CENPO: variants seen among roughly 807,000 people sequenced by gnomAD.
CENPO encodes centromeric protein O.
A neutral mutation model predicts 36.1 loss-of-function variants in CENPO; 30 were observed. That is an observed-to-expected ratio of 0.83 (90% CI 0.62 to 1.13). The LOEUF (loss-of-function observed/expected upper bound fraction) is 1.13. Among genes scored for constraint, CENPO ranks in the 50% most tolerant of loss-of-function variants. The pLI, the probability that CENPO is intolerant of heterozygous loss-of-function variation, is 0.00. For missense variants in CENPO, 349 were observed against 357.8 expected (o/e 0.98, Z 0.20); for synonymous variants, 171 against 142.3 (o/e 1.20, Z -1.44).
At position 24,793,440 on chromosome 2, in the gene CENPO, G is replaced by T. The variant is rs777537972; in HGVS notation, c.-130G>T. On this transcript the variant is annotated 5_prime_UTR_variant, in exon 1 of 8. Coordinates refer to ENST00000380834, the MANE Select transcript of CENPO (RefSeq NM_001322101.2). Reference sequence around the variant, plus strand: ...TTTGTACGGCAGGATCGCAAAGCACGCCGGGACCGGTTGGTTTGGTTTTGA... The same window carrying T: ...TTTGTACGGCAGGATCGCAAAGCACTCCGGGACCGGTTGGTTTGGTTTTGA... The T allele has an allele frequency of 1.2e-6, 2 of 1,606,086 alleles. No homozygotes were observed. The highest frequency in any genetic ancestry group is 1.7e-6 in the Non-Finnish European group (2 of 1,175,916).
At position 24,816,755 on chromosome 2, in the gene CENPO, C is replaced by G; in HGVS notation, c.704C>G (p.Ala235Gly). 6.2e-7 allele frequency: 1 copy of G among 1,612,268 alleles called. No individual in the cohort carries two copies. Among genetic ancestry groups the G allele is most frequent in the South Asian group, 1.1e-5 (1 of 90,472 alleles). ...GGGGGTCAGTCCTTCCCGTTCTGTGCTAGATTGCTGTATAAGGACCTCACA... is the reference window on the plus strand; with the variant it reads ...GGGGGTCAGTCCTTCCCGTTCTGTGGTAGATTGCTGTATAAGGACCTCACA... ...DPGGQSFPFC[A>G]RLLYKDLTAT... Residue 235 changes from alanine to glycine, a missense_variant, in exon 6 of 8, where the codon GCT becomes GGT. Transcript: ENST00000380834.
intron 3 of CENPO, among the ~76,000 whole-genome samples, chr2:24,806,765 C>G (rs570402792): frequency 6.6e-6 from 1 of 152,288 alleles, no homozygotes; most frequent in African/African-American, 2.4e-5. Context: ...ATACTTGTGT[C>G]ATTTTTGACA....
In CENPO at chr2:24,820,034, C is replaced by T; in HGVS notation, c.*716C>T. The T allele has an allele frequency of 1.2e-6, 2 of 1,609,090 alleles. No homozygotes were observed. Among genetic ancestry groups the T allele is most frequent in the Non-Finnish European group, 1.7e-6 (2 of 1,177,846 alleles). ...TCAAGAAGAAGGTCAGCAGCTCCCC[C>T]TTCCCCTTCACAAAGATGGGGCCTC... is the stretch of plus-strand genomic sequence containing the variant. On this transcript the variant is annotated 3_prime_UTR_variant, in exon 8 of 8. Transcript: ENST00000380834.
rs1666845819 is a variant in CENPO at position 24,814,436 on chromosome 2, G to A, written c.277G>A (p.Ala93Thr). 6.2e-7 allele frequency: 1 copy of A among 1,608,520 alleles called. No homozygotes were observed. Among genetic ancestry groups the A allele is most frequent in the African/African-American group, 1.3e-5 (1 of 74,912 alleles). ...NQTVEINEQE[A>T]LEEKLENVKA... ...AACAGTGGAGATCAATGAGCAAGAA[G>A]CATTGGAAGAGAAATTGGAAAATGT... The change falls in exon 4 of 8, where the codon GCA becomes ACA. Residue 93 changes from alanine (A) to threonine (T), a missense_variant. Coordinates refer to ENST00000380834, the MANE Select transcript of CENPO (RefSeq NM_001322101.2).
In CENPO at chr2:24,817,466, C is replaced by CAAAAAAAAAAAAAAAAAAAAAAAAAAAA. The variant is rs57556645; in HGVS notation, c.767-194_767-193insAAAAAAAAAAAAAAAAAAAAAAAAAAAA. 3.9e-4 allele frequency among the ~76,000 whole-genome samples: 43 copies of CAAAAAAAAAAAAAAAAAAAAAAAAAAAA among 110,040 alleles called. 2 individuals are homozygous for CAAAAAAAAAAAAAAAAAAAAAAAAAAAA. The highest frequency in any genetic ancestry group is 1.3e-3 in the African/African-American group (31 of 23,108). 72.2% of individuals were successfully genotyped at this position (110,040 alleles called of 152,430 possible). On this transcript the variant is annotated intron_variant, in intron 6 of 7. Coordinates refer to ENST00000380834, the MANE Select transcript of CENPO (RefSeq NM_001322101.2). ...AGTAAGGGGCAGCCTTAGTCCAGAC[C>CAAAAAAAAAAAAAAAAAAAAAAAAAAAA]AAAAAAAAAAGCTGTATGGGTCCAG...
chr2:24,821,626 C>T lies in CENPO; in HGVS notation c.*2308C>T, dbSNP rs1394225691. On this transcript the variant is annotated 3_prime_UTR_variant, in exon 8 of 8. Transcript: ENST00000380834. ...CAGCCAGGTGCTGCCAGCGCTCTCT[C>T]TCGGACTTGTCTTCCTGTGCCAGGG... The T allele has an allele frequency of 1.9e-6, 3 of 1,613,984 alleles. No individual in the cohort carries two copies. The highest frequency in any genetic ancestry group is 2.5e-6 in the Non-Finnish European group (3 of 1,180,016).
intron 2 of CENPO, among the ~76,000 whole-genome samples, chr2:24,795,975 G>A (rs1242357492): frequency 4.6e-5 from 7 of 152,132 alleles, no homozygotes; most frequent in Non-Finnish European, 1.0e-4. Context: ...TTATTATTGC[G>A]GTAATGTGGG....
In CENPO at chr2:24,816,646, A is replaced by G. The variant is rs1666949439; in HGVS notation, c.595A>G (p.Ser199Gly). 6.2e-7 allele frequency: 1 copy of G among 1,603,602 alleles called. No homozygotes were observed. The highest frequency in any genetic ancestry group is 1.3e-5 in the African/African-American group (1 of 74,566). Residue 199 changes from serine (S) to glycine (G), a missense_variant and splice_region_variant, in exon 6 of 8, where the codon AGT becomes GGT. Physicochemically the swap from Ser to Gly is moderately conservative, Grantham distance 56. Coordinates refer to ENST00000380834, the MANE Select transcript of CENPO (RefSeq NM_001322101.2). The stretch of plus-strand genomic sequence containing the variant: ...TCGTTTTGTTCCTCACCCCTCTTAG[A>G]GTGACTTTGCAGCCCTCCTGACTGG... ...GRKYQADRLQ[S>G]DFAALLTGPL...
chr2:24,813,351 C>T (rs1256574377), intron 3 of CENPO, among the ~76,000 whole-genome samples: 1 of 152,142 alleles, frequency 6.6e-6, no homozygotes, highest in East Asian at 1.9e-4. Flanking sequence ...GGGCACATCA[C>T]CTTTATTCAG....
chr2:24,821,204 A>T lies in CENPO; in HGVS notation c.*1886A>T. The T allele has an allele frequency of 2.3e-6, 1 of 436,704 alleles. No homozygotes were observed. The highest frequency in any genetic ancestry group is 4.1e-6 in the Non-Finnish European group (1 of 243,332). The allele number at this position is 436,704 out of a possible 1,614,324, so 27.1% of individuals were successfully genotyped here. On this transcript the variant is annotated 3_prime_UTR_variant, in exon 8 of 8. Transcript: ENST00000380834. Reference sequence around the variant, plus strand: ...TTTCAAAGAGCAGGCCTGTCTGGGAAGCCATGTCCTCAGCAGGCACAGCAA... The same window carrying T: ...TTTCAAAGAGCAGGCCTGTCTGGGATGCCATGTCCTCAGCAGGCACAGCAA...
rs1297405945 is a variant in CENPO at position 24,793,502 on chromosome 2, G to T, written c.-69+1G>T. On this transcript the variant is annotated splice_donor_variant, in intron 1 of 7. Coordinates refer to ENST00000380834, the MANE Select transcript of CENPO (RefSeq NM_001322101.2). LOFTEE classifies it low-confidence loss of function (5UTR_SPLICE). ...GCGGGAATTCTCGCTTCTGGCCTGGGTGAGCTAGAAGGGAGAAGGTAGGGG... is the reference window on the plus strand; with the variant it reads ...GCGGGAATTCTCGCTTCTGGCCTGGTTGAGCTAGAAGGGAGAAGGTAGGGG... 4 of 1,597,062 alleles carry T rather than the reference G, an allele frequency of 2.5e-6. No homozygotes were observed. The African/African-American group carries it at 5.4e-5, about 21-fold the overall frequency.
chr2:24,810,334 G>A (rs778250799), intron 3 of CENPO, among the ~76,000 whole-genome samples: 9 of 151,936 alleles, frequency 5.9e-5, no homozygotes, highest in South Asian at 4.2e-4. Flanking sequence ...AATCCCAGCC[G>A]TTTGTGAGAC....
rs1206661148 is a variant in CENPO, at chr2:24,822,167, GGCTGCCGTCA to G, written c.*2852_*2861del. On this transcript the variant is annotated 3_prime_UTR_variant, in exon 8 of 8. Transcript: ENST00000380834. ...TCTAAATTAGCTTAACAAAAGAACA[GGCTGCCGTCA>G]GCCAGAGTTCTGAAGGCCATGCTTT... The G allele has an allele frequency of 4.6e-6, 1 of 216,212 alleles. No homozygotes were observed. Among genetic ancestry groups the G allele is most frequent in the Non-Finnish European group, 9.2e-6 (1 of 108,272 alleles). The allele number at this position is 216,212 out of a possible 1,614,324, so 13.4% of individuals were successfully genotyped here.
intron 5 of CENPO, chr2:24,816,065 C>T: frequency 2.7e-6 from 1 of 375,206 alleles, no homozygotes; most frequent in Non-Finnish European, 5.0e-6. Context: ...TTATGGCGTG[C>T]CTACTATGTA....
Position 24,821,373 on chromosome 2 carries a change from C to T in CENPO, c.*2055C>T. The T allele has an allele frequency of 8.1e-7, 1 of 1,231,366 alleles. No individual in the cohort carries two copies. Among genetic ancestry groups the T allele is most frequent in the Non-Finnish European group, 1.1e-6 (1 of 888,976 alleles). 76.3% of individuals were successfully genotyped at this position (1,231,366 alleles called of 1,614,324 possible). ...AGAGTCGTCTGGACTAAAGGTCTTTCAGGTCTCCTTGCCCTGTGAGTGCGT... is the reference window on the plus strand; with the variant it reads ...AGAGTCGTCTGGACTAAAGGTCTTTTAGGTCTCCTTGCCCTGTGAGTGCGT... On this transcript the variant is annotated 3_prime_UTR_variant, in exon 8 of 8. Transcript: ENST00000380834.
At position 24,793,449 on chromosome 2, in the gene CENPO, G is replaced by C; in HGVS notation, c.-121G>C. ...CAGGATCGCAAAGCACGCCGGGACC[G>C]GTTGGTTTGGTTTTGAAGACGTGGA... On this transcript the variant is annotated 5_prime_UTR_variant, in exon 1 of 8. Coordinates refer to ENST00000380834, the MANE Select transcript of CENPO (RefSeq NM_001322101.2). 6.2e-7 allele frequency: 1 copy of C among 1,605,354 alleles called. No homozygotes were observed. The highest frequency in any genetic ancestry group is 8.5e-7 in the Non-Finnish European group (1 of 1,175,584).
At chr2:24,814,620 T>TCACA (rs10618594) in intron 4 of CENPO, 127 bp downstream of exon 4, 12 of 545,940 alleles carry the variant, frequency 2.2e-5, no homozygotes, top group Admixed American at 8.8e-5. Flanking sequence ...CCCTCATCAC[T>TCACA]CACACACACA....
chr2:24,814,038 C>A (rs1449013434), intron 3 of CENPO, among the ~76,000 whole-genome samples: 1 of 152,200 alleles, frequency 6.6e-6, no homozygotes, highest in Non-Finnish European at 1.5e-5. Flanking sequence ...CACAACTTAC[C>A]CAGCCTTGCC....
chr2:24,805,251 T>C (rs1666344455), intron 3 of CENPO, among the ~76,000 whole-genome samples: 1 of 152,226 alleles, frequency 6.6e-6, no homozygotes, highest in Non-Finnish European at 1.5e-5. Flanking sequence ...GGTTTTTAAC[T>C]TCTTTGCCAT....
Sources: gnomAD v4.1 joint callset for allele counts (sites outside exome capture counted in the v4.1 genomes callset) on GRCh38, gnomAD v4.1.1 for gene constraint, MANE v1.5 for transcripts, NCBI Gene and HGNC (gene_info 2026-07-23, HGNC 2026-07-21) for gene names.